GPC6: variants seen among roughly 807,000 people sequenced by gnomAD.
GPC6 encodes the protein glypican 6, also known as glypican-6.
Under a neutral mutation model 55.2 loss-of-function variants are expected in GPC6, and 14 were observed. The observed-to-expected ratio is 0.25, with a 90% CI of 0.17 to 0.40. The LOEUF is 0.40. Among genes scored for constraint, GPC6 ranks in the 10% least tolerant of loss-of-function variants. The probability of loss-of-function intolerance (pLI) is 1.00; values close to 1 mark genes in which losing one functional copy is unlikely to be tolerated. For synonymous variants in GPC6, 278 were observed against 259.6 expected, an observed-to-expected ratio of 1.07 and a Z score of -0.68; for missense variants, 641 against 708.5, an observed-to-expected ratio of 0.90 and a Z score of 1.08.
intron 1 of GPC6, among the ~76,000 whole-genome samples, chr13:93,276,428 C>T (rs1877738680): frequency 6.8e-6 from 1 of 147,084 alleles, no homozygotes; most frequent in Non-Finnish European, 1.5e-5. Context: ...GAGCACACAA[C>T]TTAAGAAATG....
chr13:93,851,819 C>T (rs756451428), intron 3 of GPC6, among the ~76,000 whole-genome samples: 2 of 151,596 alleles, frequency 1.3e-5, no homozygotes, highest in Middle Eastern at 3.2e-3. Context: ...TATCCTTCTG[C>T]CACTTGTTAC....
At chr13:93,344,957 T>C (rs1174571439) in intron 1 of GPC6, among the ~76,000 whole-genome samples, 8 of 152,220 alleles carry the variant, frequency 5.3e-5, no homozygotes, top group Middle Eastern at 3.2e-3. Context: ...CATAAGGTAA[T>C]TCTTTCTATT....
intron 4 of GPC6, among the ~76,000 whole-genome samples, chr13:94,172,157 G>C (rs1052889526): frequency 2.0e-5 from 3 of 151,802 alleles, no homozygotes; most frequent in Non-Finnish European, 2.9e-5. Context: ...TAGTGTTATG[G>C]AATCATTATA....
At chr13:94,343,609 C>T (rs1217828470) in intron 6 of GPC6, among the ~76,000 whole-genome samples, 1 of 152,156 alleles carries the variant, frequency 6.6e-6, no homozygotes, top group Non-Finnish European at 1.5e-5. Flanking sequence ...ATTATTAAGG[C>T]TTATGAAGTG....
chr13:93,238,179 G>T (rs563904927), intron 1 of GPC6, among the ~76,000 whole-genome samples: 2 of 152,098 alleles, frequency 1.3e-5, no homozygotes, highest in Non-Finnish European at 2.9e-5. Context: ...TCACAGTATT[G>T]ATTCTTCCAA....
chr13:93,745,699 A>G (rs1490221308), intron 2 of GPC6, among the ~76,000 whole-genome samples: 4 of 152,312 alleles, frequency 2.6e-5, no homozygotes, highest in African/African-American at 9.6e-5. Flanking sequence ...TCAGGAGGGT[A>G]AGCAACCAAT....
intron 4 of GPC6, among the ~76,000 whole-genome samples, chr13:94,119,868 G>C (rs1007126555): frequency 6.6e-6 from 1 of 152,060 alleles, no homozygotes; most frequent in Non-Finnish European, 1.5e-5. Flanking sequence ...AGTCACACCA[G>C]GGCTGAGACT....
chr13:94,229,890 T>G (rs1890669456), intron 4 of GPC6, among the ~76,000 whole-genome samples: 1 of 152,178 alleles, frequency 6.6e-6, no homozygotes, highest in Non-Finnish European at 1.5e-5. Flanking sequence ...TGGGATCTGT[T>G]TCAGGATACA....
chr13:93,370,131 C>T (rs1296730352), intron 1 of GPC6, among the ~76,000 whole-genome samples: 1 of 151,988 alleles, frequency 6.6e-6, no homozygotes, highest in Non-Finnish European at 1.5e-5. Flanking sequence ...ATTCATTATT[C>T]CAGACAGTTG....
chr13:94,063,342 G>C (rs1350568050), intron 4 of GPC6, among the ~76,000 whole-genome samples: 1 of 152,188 alleles, frequency 6.6e-6, no homozygotes, highest in Non-Finnish European at 1.5e-5. Context: ...CTTCAACAAA[G>C]TATTTGGATG....
At chr13:93,432,426 G>A (rs761728647) in intron 1 of GPC6, among the ~76,000 whole-genome samples, 4 of 152,156 alleles carry the variant, frequency 2.6e-5, no homozygotes, top group East Asian at 1.9e-4. Flanking sequence ...GGGCCATGAA[G>A]GGTGCAGATG....
In GPC6 at chr13:93,800,658, T is replaced by C. The variant is rs149780884; in HGVS notation, c.320-29496T>C. 6.5e-3 allele frequency among the ~76,000 whole-genome samples: 994 copies of C among 152,360 alleles called. 16 individuals carry two copies. The highest frequency in any genetic ancestry group is 0.023 in the African/African-American group (953 of 41,566). Reference sequence around the variant, plus strand: ...TGTGAACTGGAATTGTGTGATTTTCTATGAGAATGTGGCCTATAAAACTGA... The same window carrying C: ...TGTGAACTGGAATTGTGTGATTTTCCATGAGAATGTGGCCTATAAAACTGA... On this transcript the variant is annotated intron_variant, in intron 2 of 8. Coordinates refer to ENST00000377047, the MANE Select transcript of GPC6 (RefSeq NM_005708.5).
At chr13:94,286,286 A>G in intron 4 of GPC6, 63 bp from the exon 5 acceptor site, 1 of 1,574,618 alleles carries the variant, frequency 6.4e-7, no homozygotes. Context: ...ACAATGTTTA[A>G]ACACAGGTTG....
At chr13:94,344,217 A>G (rs746103028) in intron 6 of GPC6, among the ~76,000 whole-genome samples, 8 of 152,230 alleles carry the variant, frequency 5.3e-5, no homozygotes, top group Non-Finnish European at 1.2e-4. Flanking sequence ...GAAAATTTTG[A>G]TATTTTATTT....
chr13:93,447,578 C>T (rs1281306727), intron 1 of GPC6, among the ~76,000 whole-genome samples: 1 of 152,126 alleles, frequency 6.6e-6, no homozygotes, highest in Non-Finnish European at 1.5e-5. Flanking sequence ...TGGCCGTATT[C>T]CCCAAATGAG....
chr13:93,545,229 G>A, intron 1 of GPC6, 34 bp from the exon 2 acceptor site: 1 of 1,583,278 alleles, frequency 6.3e-7, no homozygotes, highest in Non-Finnish European at 8.7e-7. Context: ...AAAGTCCTTA[G>A]AATGCAATAG....
chr13:94,019,083 G>C (rs1041048704), intron 3 of GPC6, among the ~76,000 whole-genome samples: 3 of 152,152 alleles, frequency 2.0e-5, no homozygotes, highest in African/African-American at 7.2e-5. Context: ...CTCAGAATGA[G>C]TTAGGAAGTG....
intron 3 of GPC6, among the ~76,000 whole-genome samples, chr13:94,008,032 AT>A (rs965839095): frequency 2.0e-5 from 3 of 151,932 alleles, no homozygotes; most frequent in Non-Finnish European, 4.4e-5. Flanking sequence ...AATATCATAA[AT>A]TTTTTTTCTA....
intron 1 of GPC6, among the ~76,000 whole-genome samples, chr13:93,420,943 G>C (rs956157271): frequency 1.3e-5 from 2 of 152,032 alleles, no homozygotes; most frequent in African/African-American, 2.4e-5. Context: ...CAGGGTCATG[G>C]TGGATCCTGA....
Sources: gnomAD v4.1 joint callset for allele counts (sites outside exome capture counted in the v4.1 genomes callset) on GRCh38, gnomAD v4.1.1 for gene constraint, MANE v1.5 for transcripts, NCBI Gene and HGNC (gene_info 2026-07-23, HGNC 2026-07-21) for gene names.